The following KCNB2 variants were observed in gnomAD, a reference collection of about 807,000 sequenced individuals.
The protein encoded by KCNB2 is delayed rectifier potassium channel protein.
Under a neutral mutation model 61.5 loss-of-function variants are expected in KCNB2, and 15 were observed. That is an observed-to-expected ratio of 0.24 (90% CI 0.16 to 0.38). KCNB2 has a LOEUF of 0.38. KCNB2 is among the 10% of genes least tolerant of loss of function. KCNB2 has a pLI of 1.00. For synonymous variants in KCNB2, 457 were observed against 446.0 expected, an observed-to-expected ratio of 1.02 and a Z score of -0.31; for missense variants, 828 against 1,125.2, an observed-to-expected ratio of 0.74 and a Z score of 3.78.
chr8:72,812,156 C>T (rs139416072), intron 2 of KCNB2, among the ~76,000 whole-genome samples: 1,916 of 151,878 alleles, frequency 0.013, 21 homozygotes, highest in Admixed American at 0.023. Flanking sequence ...CAGCTACTCG[C>T]GAGGCTGAGG....
At chr8:72,647,213 C>T (rs1269613146) in intron 2 of KCNB2, among the ~76,000 whole-genome samples, 1 of 152,104 alleles carries the variant, frequency 6.6e-6, no homozygotes, top group East Asian at 1.9e-4. Flanking sequence ...ATGCTGACTC[C>T]TCATCCCAGC....
intron 2 of KCNB2, among the ~76,000 whole-genome samples, chr8:72,571,074 C>G (rs1167982794): frequency 6.6e-6 from 1 of 152,064 alleles, no homozygotes; most frequent in East Asian, 1.9e-4. Context: ...AGTATAAAAG[C>G]TATTAAGATT....
intron 1 of KCNB2, among the ~76,000 whole-genome samples, chr8:72,561,731 A>ATATATGTGTG (rs1806525887): frequency 9.4e-5 from 2 of 21,356 alleles, no homozygotes; most frequent in Non-Finnish European, 8.4e-5. Flanking sequence ...ATATATATCT[A>ATATATGTGTG]TATCTATATA....
chr8:72,691,394 C>T (rs556228890), intron 2 of KCNB2, among the ~76,000 whole-genome samples: 2 of 152,272 alleles, frequency 1.3e-5, no homozygotes, highest in Admixed American at 6.5e-5. Flanking sequence ...TTTCAGTCCA[C>T]GATGGAAAAC....
intron 2 of KCNB2, among the ~76,000 whole-genome samples, chr8:72,890,950 T>G (rs1734783945): frequency 6.6e-6 from 1 of 152,210 alleles, no homozygotes. Context: ...TCCTAAGGAA[T>G]ACCAAGTGTA....
At chr8:72,673,072 G>T (rs1308436390) in intron 2 of KCNB2, among the ~76,000 whole-genome samples, 5 of 152,106 alleles carry the variant, frequency 3.3e-5, no homozygotes, top group African/African-American at 1.2e-4. Flanking sequence ...TGAAAGCAGG[G>T]ACTCAAACAA....
At chr8:72,666,627 G>A (rs1014527222) in intron 2 of KCNB2, among the ~76,000 whole-genome samples, 1 of 149,740 alleles carries the variant, frequency 6.7e-6, no homozygotes, top group Non-Finnish European at 1.5e-5. Context: ...ATTTTCTTCA[G>A]TGACCTTCAA....
chr8:72,744,358 T>A (rs1157515554), intron 2 of KCNB2, among the ~76,000 whole-genome samples: 2 of 152,182 alleles, frequency 1.3e-5, no homozygotes, highest in Non-Finnish European at 2.9e-5. Context: ...ACTTGGTGAA[T>A]GCTATTCCAC....
intron 2 of KCNB2, among the ~76,000 whole-genome samples, chr8:72,696,130 C>T (rs977045499): frequency 1.3e-5 from 2 of 152,108 alleles, no homozygotes; most frequent in African/African-American, 4.8e-5. Flanking sequence ...TTTGAAGTTT[C>T]CCTCCTTGCT....
Position 72,730,175 on chromosome 8 carries a change from C to T in KCNB2, c.579+161862C>T, listed in dbSNP as rs185884574. On this transcript the variant is annotated intron_variant, in intron 2 of 2. Transcript: ENST00000523207. ...ACATTAGTAGCAAAACTTTCATTGTCGCCTAGAGGGTGGGGGAGGAGTTGA... is the reference window on the plus strand; with the variant it reads ...ACATTAGTAGCAAAACTTTCATTGTTGCCTAGAGGGTGGGGGAGGAGTTGA... 4.3e-3 allele frequency among the ~76,000 whole-genome samples: 660 copies of T among 152,176 alleles called. 5 individuals carry two copies. The highest frequency in any genetic ancestry group is 4.6e-3 in the South Asian group (22 of 4,820).
rs578074140 is a variant in KCNB2 at position 72,716,149 on chromosome 8, CT to C, written c.579+147837del. Among the ~76,000 whole-genome samples, 24 of 152,260 alleles carry C rather than the reference CT, an allele frequency of 1.6e-4. No homozygotes were observed. The East Asian group carries it at 2.1e-3, about 13-fold the overall frequency. ...TCTCTGAATAGACCAATAACAGGCT[CT>C]GAAATTGAGGCAATAATTAATAGCT... is the stretch of plus-strand genomic sequence containing the variant. On this transcript the variant is annotated intron_variant, in intron 2 of 2. Coordinates refer to ENST00000523207, the MANE Select transcript of KCNB2 (RefSeq NM_004770.3).
At chr8:72,839,738 G>C (rs1809847314) in intron 2 of KCNB2, among the ~76,000 whole-genome samples, 1 of 149,954 alleles carries the variant, frequency 6.7e-6, no homozygotes, top group African/African-American at 2.5e-5. Context: ...TCAGCCTCCT[G>C]AGTAGCTGGG....
chr8:72,662,709 G>A (rs544339084), intron 2 of KCNB2, among the ~76,000 whole-genome samples: 7 of 152,236 alleles, frequency 4.6e-5, no homozygotes, highest in Admixed American at 3.3e-4. Context: ...CTGTGCTCTC[G>A]GTTCTTCCTT....
At chr8:72,822,617 G>A (rs1410832342) in intron 2 of KCNB2, among the ~76,000 whole-genome samples, 1 of 152,006 alleles carries the variant, frequency 6.6e-6, no homozygotes, top group Non-Finnish European at 1.5e-5. Context: ...CCACCTCCTA[G>A]CCAGTTTAAT....
chr8:72,916,717 A>G (rs891497069), intron 2 of KCNB2, among the ~76,000 whole-genome samples: 4 of 152,160 alleles, frequency 2.6e-5, no homozygotes, highest in Non-Finnish European at 5.9e-5. Flanking sequence ...TTTTATTGTT[A>G]ATGAAAGTGG....
At chr8:72,593,169 A>T (rs1166364701) in intron 2 of KCNB2, among the ~76,000 whole-genome samples, 2 of 152,184 alleles carry the variant, frequency 1.3e-5, no homozygotes, top group East Asian at 1.9e-4. Context: ...TTTAGTATTC[A>T]TGATTGTTTG....
At chr8:72,738,281 A>G (rs1302009599) in intron 2 of KCNB2, among the ~76,000 whole-genome samples, 1 of 152,196 alleles carries the variant, frequency 6.6e-6, no homozygotes, top group East Asian at 1.9e-4. Flanking sequence ...TTTCTGAACT[A>G]CAAACATGTA....
At chr8:72,633,343 G>A (rs945836362) in intron 2 of KCNB2, among the ~76,000 whole-genome samples, 12 of 152,092 alleles carry the variant, frequency 7.9e-5, no homozygotes, top group African/African-American at 2.2e-4. Flanking sequence ...CCTCTAGCTG[G>A]AGAACAATCT....
At chr8:72,723,408 A>T (rs918714391) in intron 2 of KCNB2, among the ~76,000 whole-genome samples, 1 of 152,192 alleles carries the variant, frequency 6.6e-6, no homozygotes, top group Admixed American at 6.5e-5. Context: ...AAATGAATTG[A>T]CCATCCTTAT....
Sources: gnomAD v4.1 joint callset for allele counts (sites outside exome capture counted in the v4.1 genomes callset) on GRCh38, gnomAD v4.1.1 for gene constraint, MANE v1.5 for transcripts, NCBI Gene and HGNC (gene_info 2026-07-23, HGNC 2026-07-21) for gene names.